YBEY: variants seen among roughly 807,000 people sequenced by gnomAD.
YBEY encodes ybeY metalloendoribonuclease.
A neutral mutation model predicts 13.5 loss-of-function variants in YBEY; 15 were observed. The observed-to-expected ratio is 1.11, with a 90% CI of 0.75 to 1.72. YBEY has a LOEUF of 1.72. YBEY is among the 40% of genes most tolerant of loss of function. The pLI is 0.00. For synonymous variants in YBEY, 101 were observed against 83.1 expected (o/e 1.21, Z -1.17); for missense variants, 244 against 208.4 (o/e 1.17, Z -1.05).
At chr21:46,313,129 C>A in the YBEY span, 2 of 912,912 alleles carry the variant, frequency 2.2e-6, no homozygotes, top group Non-Finnish European at 2.6e-6. Context: ...GACACACCGT[C>A]AGCTCTTGAG....
At chr21:46,302,512 C>T (rs1601624306), downstream of YBEY, 17 of 1,612,170 alleles carry the variant, frequency 1.1e-5, no homozygotes, top group Non-Finnish European at 1.4e-5. Context: ...GGGCCTTGAG[C>T]ATCCAGTTCT....
intron 2 of YBEY, 44 bp downstream of exon 2, chr21:46,287,167 G>C: frequency 2.0e-6 from 3 of 1,523,584 alleles, no homozygotes; most frequent in Non-Finnish European, 2.7e-6. Flanking sequence ...CATCTTCCCA[G>C]AGTAAATTTC....
chr21:46,297,421 C>T (rs1379704883), intron 4 of YBEY, 118 bp from the exon 5 acceptor site: 9 of 1,011,078 alleles, frequency 8.9e-6, no homozygotes, highest in East Asian at 6.5e-5. Flanking sequence ...GAGCTAGAGC[C>T]GCGCGGGCGG....
chr21:46,287,678 C>T (rs933873896), intron 2 of YBEY, among the ~76,000 whole-genome samples: 1 of 152,094 alleles, frequency 6.6e-6, no homozygotes, highest in African/African-American at 2.4e-5. Context: ...TACAATTACA[C>T]TGGTAACCCA....
downstream of YBEY, chr21:46,302,424 G>C: frequency 7.3e-7 from 1 of 1,369,170 alleles, no homozygotes. Context: ...GAAATTTCCA[G>C]AAGAAAAACC....
At chr21:46,291,253 G>C in intron 2 of YBEY, 81 bp from the exon 3 acceptor site, 1 of 1,569,252 alleles carries the variant, frequency 6.4e-7, no homozygotes, top group Non-Finnish European at 8.6e-7. Flanking sequence ...ATTTGCCTTG[G>C]GATTAACCAG....
intron 4 of YBEY, among the ~76,000 whole-genome samples, chr21:46,296,938 T>C (rs559103800): frequency 7.4e-6 from 1 of 136,050 alleles, no homozygotes; most frequent in East Asian, 2.3e-4. Flanking sequence ...AGGTTGTGGT[T>C]AGCCGAGAGA....
intron 4 of YBEY, among the ~76,000 whole-genome samples, chr21:46,297,275 C>G (rs1351255585): frequency 6.9e-6 from 1 of 144,280 alleles, no homozygotes; most frequent in Non-Finnish European, 1.5e-5. Context: ...CTTCCCTTCC[C>G]ACCTCCCATG....
intron 3 of YBEY, among the ~76,000 whole-genome samples, chr21:46,295,806 G>T (rs2081934175): frequency 6.6e-6 from 1 of 151,948 alleles, no homozygotes; most frequent in African/African-American, 2.4e-5. Flanking sequence ...CCTGGCCGGT[G>T]CCCCACTGCC....
downstream of YBEY, chr21:46,301,781 G>T: frequency 2.4e-6 from 3 of 1,237,214 alleles, no homozygotes; most frequent in Non-Finnish European, 3.0e-6. Flanking sequence ...CCTCACTGCA[G>T]GGGACCCGGA....
intron 3 of YBEY, among the ~76,000 whole-genome samples, chr21:46,294,711 C>G (rs1029753664): frequency 1.3e-5 from 2 of 152,064 alleles, no homozygotes; most frequent in African/African-American, 4.8e-5. Context: ...CCCCAGACCT[C>G]TCTCACTGTT....
chr21:46,290,928 C>A (rs13051590), intron 2 of YBEY, among the ~76,000 whole-genome samples: 60,285 of 149,592 alleles, frequency 0.4, 12,670 homozygotes, highest in Admixed American at 0.47. Flanking sequence ...GCCTGTAGTC[C>A]CAGCTACTCG....
intron 4 of YBEY, among the ~76,000 whole-genome samples, chr21:46,296,459 A>C (rs1459163922): frequency 6.6e-6 from 1 of 152,250 alleles, no homozygotes. Context: ...GCCGAGAGCC[A>C]CAGCTGACAC....
At chr21:46,311,744 C>T in the YBEY span, 1 of 443,852 alleles carries the variant, frequency 2.3e-6, no homozygotes, top group Non-Finnish European at 4.1e-6. Flanking sequence ...ACCAACCATC[C>T]ACCCACTCAT....
downstream of YBEY, among the ~76,000 whole-genome samples, chr21:46,298,552 C>G (rs914028070): frequency 6.6e-6 from 1 of 151,266 alleles, no homozygotes; most frequent in Non-Finnish European, 1.5e-5. Flanking sequence ...GCTTCATCCT[C>G]CCGAGTAGCT....
intron 3 of YBEY, among the ~76,000 whole-genome samples, chr21:46,295,564 C>T (rs2081923641): frequency 1.3e-5 from 2 of 151,950 alleles, no homozygotes; most frequent in South Asian, 4.1e-4. Context: ...ATCCAGCCCT[C>T]TCTCCAGGGG....
chr21:46,307,505 C>T, the YBEY span, among the ~76,000 whole-genome samples: 2 of 152,150 alleles, frequency 1.3e-5, no homozygotes, highest in Non-Finnish European at 2.9e-5. Flanking sequence ...TATCACTAAA[C>T]TTCATCTGGA....
At chr21:46,302,202 C>G, downstream of YBEY, 1 of 1,434,690 alleles carries the variant, frequency 7.0e-7, no homozygotes, top group African/African-American at 1.4e-5. Flanking sequence ...GGCTGCTCCC[C>G]ACCTCCACTC....
the YBEY span, among the ~76,000 whole-genome samples, chr21:46,310,466 C>T: frequency 7.5e-5 from 11 of 146,238 alleles, no homozygotes; most frequent in African/African-American, 1.6e-4. Context: ...GCAACAAGAG[C>T]GAGACTGTCT....
Sources: allele counts gnomAD v4.1 joint callset (sites outside exome capture counted in the v4.1 genomes callset), GRCh38; gene constraint gnomAD v4.1.1; transcripts MANE v1.5; gene names NCBI Gene and HGNC (gene_info 2026-07-23, HGNC 2026-07-21).